The following CAST variants were observed in gnomAD, a reference collection of about 807,000 sequenced individuals.
CAST encodes the protein calpastatin, also known as MIR583 host.
A neutral mutation model predicts 119.6 loss-of-function variants in CAST; 76 were observed. The ratio of observed to expected loss-of-function variants is 0.64; its 90% CI spans 0.53 to 0.77. The LOEUF (loss-of-function observed/expected upper bound fraction) is 0.77, where lower values mean the gene tolerates loss of function less well. Ranked by LOEUF, CAST falls within the 30% of genes least tolerant of loss-of-function variation. CAST has a pLI of 0.00. For synonymous variants in CAST, 319 were observed against 331.6 expected, an observed-to-expected ratio of 0.96 and a Z score of 0.41; for missense variants, 953 against 946.5, an observed-to-expected ratio of 1.01 and a Z score of -0.09.
At chr5:96,575,043 C>T (rs1746644838) in intron 1 of CAST, among the ~76,000 whole-genome samples, 1 of 152,056 alleles carries the variant, frequency 6.6e-6, no homozygotes, top group Non-Finnish European at 1.5e-5. Flanking sequence ...TCTAATCTAG[C>T]TATGTGATAT....
the CAST span, among the ~76,000 whole-genome samples, chr5:96,321,209 T>C: frequency 6.6e-6 from 1 of 152,194 alleles, no homozygotes; most frequent in Non-Finnish European, 1.5e-5. Flanking sequence ...CTGTGCGTTA[T>C]AGGATGTTTA....
chr5:96,040,800 G>A, the CAST span, among the ~76,000 whole-genome samples: 1 of 152,046 alleles, frequency 6.6e-6, no homozygotes, highest in African/African-American at 2.4e-5. Flanking sequence ...TTTTTGCATC[G>A]ATGTTCATCA....
intron 1 of CAST, among the ~76,000 whole-genome samples, chr5:96,621,405 A>G (rs1242479555): frequency 2.6e-5 from 4 of 152,198 alleles, no homozygotes; most frequent in Non-Finnish European, 5.9e-5. Flanking sequence ...GAGACTGGGT[A>G]ATTTATAAAG....
At chr5:96,265,341 T>C in the CAST span, among the ~76,000 whole-genome samples, 1 of 151,984 alleles carries the variant, frequency 6.6e-6, no homozygotes, top group Non-Finnish European at 1.5e-5. Context: ...TACATATATA[T>C]GTATACATAT....
chr5:96,025,774 A>G, the CAST span, among the ~76,000 whole-genome samples: 7 of 152,200 alleles, frequency 4.6e-5, no homozygotes, highest in African/African-American at 1.7e-4. Flanking sequence ...TGAAGTTACA[A>G]CTGAGCTGAG....
At chr5:96,375,074 A>T in the CAST span, among the ~76,000 whole-genome samples, 1 of 152,212 alleles carries the variant, frequency 6.6e-6, no homozygotes, top group South Asian at 2.1e-4. Flanking sequence ...GTTAGAAATC[A>T]TCCTGTGATT....
the CAST span, among the ~76,000 whole-genome samples, chr5:96,020,195 T>G: frequency 6.6e-6 from 1 of 152,192 alleles, no homozygotes; most frequent in African/African-American, 2.4e-5. Context: ...CATAATATAT[T>G]GCCTCCCATA....
the CAST span, among the ~76,000 whole-genome samples, chr5:96,348,376 G>C: frequency 3.0e-3 from 460 of 151,470 alleles, 8 homozygotes; most frequent in Admixed American, 0.026. Flanking sequence ...GCCTGGGAGA[G>C]AGAGGGAGAG....
the CAST span, among the ~76,000 whole-genome samples, chr5:96,514,460 T>A: frequency 6.6e-6 from 1 of 152,180 alleles, no homozygotes; most frequent in African/African-American, 2.4e-5. Context: ...AATGAATGAA[T>A]GAATGATATT....
the CAST span, among the ~76,000 whole-genome samples, chr5:96,097,193 A>G: frequency 6.6e-6 from 1 of 152,168 alleles, no homozygotes; most frequent in Non-Finnish European, 1.5e-5. Flanking sequence ...TAGTTTGCTC[A>G]CTATGAGCTT....
At chr5:96,325,400 T>TCTTTTCTTTCTTTCTC in the CAST span, among the ~76,000 whole-genome samples, 1 of 151,514 alleles carries the variant, frequency 6.6e-6, no homozygotes, top group Non-Finnish European at 1.5e-5. Context: ...TTTCTTTCTT[T>TCTTTTCTTTCTTTCTC]TCTTTCTTTC....
the CAST span, among the ~76,000 whole-genome samples, chr5:96,491,490 C>CAAAAAAAAAAAAAAAAAAAAAA: frequency 3.5e-5 from 2 of 56,790 alleles, no homozygotes; most frequent in African/African-American, 5.5e-5. Context: ...GACTCCATCT[C>CAAAAAAAAAAAAAAAAAAAAAA]AAAAAAAAAA....
At chr5:96,249,563 G>A in the CAST span, among the ~76,000 whole-genome samples, 1 of 152,180 alleles carries the variant, frequency 6.6e-6, no homozygotes, top group Non-Finnish European at 1.5e-5. Context: ...CTGCAAACAA[G>A]CCCATCATTT....
the CAST span, among the ~76,000 whole-genome samples, chr5:96,092,759 T>C: frequency 6.6e-6 from 1 of 152,200 alleles, no homozygotes; most frequent in South Asian, 2.1e-4. Context: ...TCTTAAATTC[T>C]ACTTTTCAGA....
chr5:96,025,556 T>C, the CAST span, among the ~76,000 whole-genome samples: 1 of 152,180 alleles, frequency 6.6e-6, no homozygotes, highest in Non-Finnish European at 1.5e-5. Context: ...AAACATGGGC[T>C]AAGCTCTGGG....
At chr5:96,425,005 AAGAAAAGAAAG>A in the CAST span, among the ~76,000 whole-genome samples, 45 of 128,700 alleles carry the variant, frequency 3.5e-4, 1 homozygote, top group African/African-American at 1.5e-3. Context: ...AAGAGAAAGA[AAGAAAAGAAAG>A]AAAGAAAGAA....
At chr5:96,262,493 G>T in the CAST span, among the ~76,000 whole-genome samples, 1 of 152,030 alleles carries the variant, frequency 6.6e-6, no homozygotes, top group Non-Finnish European at 1.5e-5. Flanking sequence ...CTGAGTAGAG[G>T]TATGTCTGAG....
At chr5:96,457,493 G>A in the CAST span, among the ~76,000 whole-genome samples, 10 of 152,162 alleles carry the variant, frequency 6.6e-5, no homozygotes, top group South Asian at 4.2e-4. Context: ...ATATGGCTAC[G>A]TTCCCTCCTC....
chr5:96,320,035 C>T, the CAST span, among the ~76,000 whole-genome samples: 4 of 151,238 alleles, frequency 2.6e-5, no homozygotes, highest in Admixed American at 6.6e-5. Flanking sequence ...CCAGGCTCCT[C>T]ATAGCAGAGA....
Sources: allele counts gnomAD v4.1 joint callset (sites outside exome capture counted in the v4.1 genomes callset), GRCh38; gene constraint gnomAD v4.1.1; transcripts MANE v1.5; gene names NCBI Gene and HGNC (gene_info 2026-07-23, HGNC 2026-07-21).